RNF32: variants seen among roughly 807,000 people sequenced by gnomAD.
The protein encoded by RNF32 is ring finger protein 32.
RNF32 carries 36 observed loss-of-function variants against 41.0 expected under a neutral mutation model. The ratio of observed to expected loss-of-function variants is 0.88; its 90% confidence interval spans 0.67 to 1.16. The LOEUF (loss-of-function observed/expected upper bound fraction) is 1.16, where lower values mean the gene tolerates loss of function less well. Ranked by LOEUF, RNF32 falls within the 50% of genes most tolerant of loss-of-function variation. The probability of loss-of-function intolerance (pLI) is 0.00; values close to 1 mark genes in which losing one functional copy is unlikely to be tolerated. For missense variants in RNF32, 413 were observed against 436.7 expected (o/e 0.95, Z 0.48); for synonymous variants, 154 against 160.9 (o/e 0.96, Z 0.32).
intron 7 of RNF32, chr7:156,659,423 C>G (rs1231075863): frequency 1.7e-5 from 17 of 985,444 alleles, no homozygotes; most frequent in Non-Finnish European, 2.0e-5. Context: ...TGGTAAAGGA[C>G]CGCCATGCAC....
In RNF32 at chr7:156,670,273, C is replaced by G. The variant is rs1402825675; in HGVS notation, c.685-5423C>G. Among the ~76,000 whole-genome samples the G allele has an allele frequency of 6.6e-6, 1 of 152,196 alleles. No homozygotes were observed. The highest frequency in any genetic ancestry group is 1.5e-5 in the Non-Finnish European group (1 of 68,028). ...AGCACGGCTGGCTCTACTGTTTTGA[C>G]TTTGGCTCTTGATACACACACATTC... On this transcript the variant is annotated intron_variant, in intron 7 of 8. Coordinates refer to ENST00000317955, the MANE Select transcript of RNF32 (RefSeq NM_030936.4). This position sits in a 1 kb window ranked among gnomAD's most constrained non-coding sequence, Gnocchi z 4.3.
intron 7 of RNF32, among the ~76,000 whole-genome samples, chr7:156,668,200 G>A (rs1054209817): frequency 2.6e-5 from 4 of 152,196 alleles, no homozygotes; most frequent in Non-Finnish European, 4.4e-5. Flanking sequence ...GGCAGCTGAC[G>A]TGTGTGGAAT....
At chr7:156,652,216 T>A (rs757033518) in intron 3 of RNF32, among the ~76,000 whole-genome samples, 11 of 152,336 alleles carry the variant, frequency 7.2e-5, no homozygotes, top group Middle Eastern at 6.8e-3. Context: ...GTGCTGTGGA[T>A]GAGTCTGATG....
At chr7:156,660,549 A>G (rs1453425049) in intron 7 of RNF32, among the ~76,000 whole-genome samples, 1 of 152,162 alleles carries the variant, frequency 6.6e-6, no homozygotes, top group Non-Finnish European at 1.5e-5. Flanking sequence ...GGGTTTCGTT[A>G]TATTGCCCAG....
In RNF32 at chr7:156,669,822, A is replaced by G. The variant is rs1233938970; in HGVS notation, c.685-5874A>G. ...GCCCATGGAGGGGAGGCTCAAAATAACCAGATGAGACGTGCAGTTGGGCCT... is the reference window on the plus strand; with the variant it reads ...GCCCATGGAGGGGAGGCTCAAAATAGCCAGATGAGACGTGCAGTTGGGCCT... On this transcript the variant is annotated intron_variant, in intron 7 of 8. Transcript: ENST00000317955. This position sits in a 1 kb window ranked among gnomAD's most constrained non-coding sequence, Gnocchi z 4.2. Among the ~76,000 whole-genome samples the G allele has an allele frequency of 6.6e-6, 1 of 152,106 alleles. No individual in the cohort carries two copies. The highest frequency in any genetic ancestry group is 1.5e-5 in the Non-Finnish European group (1 of 68,018).
intron 7 of RNF32, among the ~76,000 whole-genome samples, chr7:156,672,906 G>A (rs1802876352): frequency 6.6e-6 from 1 of 152,208 alleles, no homozygotes. Flanking sequence ...TATGACCGTG[G>A]TTCTTAAACC....
chr7:156,657,586 C>G lies in RNF32; in HGVS notation c.450+13C>G, dbSNP rs376216742. ...TGTGTTCCACAAAGTAAGTCCACCC[C>G]TCACGCCTGCCCAGGTGCTGCACAT... On this transcript the variant is annotated intron_variant, in intron 5 of 8. Coordinates refer to ENST00000317955, the MANE Select transcript of RNF32 (RefSeq NM_030936.4). The G allele has an allele frequency of 1.2e-6, 2 of 1,613,448 alleles. No individual in the cohort carries two copies. Among genetic ancestry groups the G allele is most frequent in the South Asian group, 2.2e-5 (2 of 91,078 alleles).
At chr7:156,676,374 G>A (rs1304724345) in intron 8 of RNF32, 45 bp from the exon 9 acceptor site, 79 of 1,613,786 alleles carry the variant, frequency 4.9e-5, no homozygotes, top group Non-Finnish European at 6.5e-5. Context: ...TTTCTGCTGT[G>A]ATGAAACTAA....
chr7:156,673,907 A>T (rs543546407), intron 7 of RNF32, among the ~76,000 whole-genome samples: 1,230 of 56,894 alleles, frequency 0.022, 22 homozygotes, highest in African/African-American at 0.13. Context: ...CCACATTAAT[A>T]AAAAAAAAAA....
chr7:156,671,742 A>G (rs1056157598), intron 7 of RNF32, among the ~76,000 whole-genome samples: 6 of 150,902 alleles, frequency 4.0e-5, no homozygotes, highest in Admixed American at 1.3e-4. Context: ...CAGTCGTCCT[A>G]GTATCTCATG....
At chr7:156,665,856 C>T (rs1801271421) in intron 7 of RNF32, among the ~76,000 whole-genome samples, 1 of 152,176 alleles carries the variant, frequency 6.6e-6, no homozygotes, top group African/African-American at 2.4e-5. Flanking sequence ...CACCACGTAC[C>T]ATCAGAATCA....
chr7:156,643,836 T>C lies in RNF32; in HGVS notation c.-42T>C, dbSNP rs1317948739. The C allele has an allele frequency of 1.9e-6, 3 of 1,593,978 alleles. No homozygotes were observed. The highest frequency in any genetic ancestry group is 2.6e-6 in the Non-Finnish European group (3 of 1,161,814). ...GAAGGAAGGTGATAGGATGTGATGATAGAATTTGTGATAGCCAAGCAACAA... is the reference window on the plus strand; with the variant it reads ...GAAGGAAGGTGATAGGATGTGATGACAGAATTTGTGATAGCCAAGCAACAA... On this transcript the variant is annotated 5_prime_UTR_variant, in exon 2 of 9. Transcript: ENST00000317955.
chr7:156,654,674 C>G lies in RNF32; in HGVS notation c.373C>G (p.Gln125Glu). The change falls in exon 4 of 9, where the codon CAA becomes GAA. Residue 125 changes from glutamine (Q) to glutamate (E), a missense_variant. Transcript: ENST00000317955. ...CTCTCTCCTGCAAGGGGACTCCGTG[C>G]AACCATGCCCCATCTGTAAAGAAGA... ...QRSLLQGDSV[Q>E]PCPICKEEFE... is the part of the protein sequence containing the mutation. 1.2e-6 allele frequency: 2 copies of G among 1,614,148 alleles called. No individual in the cohort carries two copies. Among genetic ancestry groups the G allele is most frequent in the South Asian group, 2.2e-5 (2 of 91,084 alleles).
rs1394415827 is a variant in RNF32 at position 156,658,399 on chromosome 7, A to C, written c.576-63A>C. 5 of 1,514,556 alleles carry C rather than the reference A, an allele frequency of 3.3e-6. No individual in the cohort carries two copies. The Admixed American group carries it at 6.8e-5, about 21-fold the overall frequency. 93.8% of individuals were successfully genotyped at this position (1,514,556 alleles called of 1,614,324 possible). ...GTACAGCACAGGGCTTATAACAACT[A>C]CTGAAGTATTGGTTGACATAGAGTC... On this transcript the variant is annotated intron_variant, in intron 6 of 8. Coordinates refer to ENST00000317955, the MANE Select transcript of RNF32 (RefSeq NM_030936.4).
intron 3 of RNF32, among the ~76,000 whole-genome samples, chr7:156,653,031 A>G (rs1419753981): frequency 1.3e-5 from 2 of 152,238 alleles, no homozygotes; most frequent in East Asian, 3.8e-4. Context: ...GCGTAAGTGT[A>G]GACTGTTTAT....
chr7:156,657,461 A>G, intron 4 of RNF32, 80 bp from the exon 5 acceptor site: 1 of 1,329,152 alleles, frequency 7.5e-7, no homozygotes, highest in Non-Finnish European at 1.1e-6. Flanking sequence ...TTACCTTCTA[A>G]GCATTCAGGA....
chr7:156,644,929 A>AGAG (rs1797799919), intron 3 of RNF32, among the ~76,000 whole-genome samples, 172 bp downstream of exon 3: 1 of 152,226 alleles, frequency 6.6e-6, no homozygotes, highest in Non-Finnish European at 1.5e-5. Context: ...GGGGACCATT[A>AGAG]GAGCAAGAAG....
At chr7:156,663,028 G>A (rs1800866609) in intron 7 of RNF32, among the ~76,000 whole-genome samples, 1 of 151,898 alleles carries the variant, frequency 6.6e-6, no homozygotes, top group Admixed American at 6.6e-5. Flanking sequence ...TAGAGATGAG[G>A]TTTCACCATG....
At chr7:156,660,202 T>A (rs1196868622) in intron 7 of RNF32, 27 of 985,588 alleles carry the variant, frequency 2.7e-5, no homozygotes, top group Non-Finnish European at 3.3e-5. Context: ...TTCCTACTGG[T>A]TCCCTCTGCC....
Sources: gnomAD v4.1 joint callset for allele counts (sites outside exome capture counted in the v4.1 genomes callset) on GRCh38, gnomAD v4.1.1 for gene constraint, Gnocchi (gnomAD v3.1) non-coding constraint, MANE v1.5 for transcripts, NCBI Gene and HGNC (gene_info 2026-07-23, HGNC 2026-07-21) for gene names.